L3MBTL1: variants seen among roughly 807,000 people sequenced by gnomAD.
L3MBTL1 encodes L3MBTL histone methyl-lysine binding protein 1.
Under a neutral mutation model 105.3 loss-of-function variants are expected in L3MBTL1, and 75 were observed. The ratio of observed to expected loss-of-function variants is 0.71; its 90% CI spans 0.59 to 0.86. L3MBTL1 has a LOEUF of 0.86. Among genes scored for constraint, L3MBTL1 ranks in the 40% least tolerant of loss-of-function variants. The probability of loss-of-function intolerance (pLI) is 0.00; values close to 1 mark genes in which losing one functional copy is unlikely to be tolerated. For synonymous variants in L3MBTL1, 452 were observed against 436.2 expected (o/e 1.04, Z -0.45); for missense variants, 1,069 against 1,126.4 (o/e 0.95, Z 0.73).
At chr20:43,543,535 A>C (rs184873720), downstream of L3MBTL1, among the ~76,000 whole-genome samples, 1 of 152,322 alleles carries the variant, frequency 6.6e-6, no homozygotes, top group East Asian at 1.9e-4. Context: ...AGGGAGGTGT[A>C]CTGGTAGACT....
At chr20:43,544,713 C>G (rs1420770569), downstream of L3MBTL1, among the ~76,000 whole-genome samples, 3 of 152,058 alleles carry the variant, frequency 2.0e-5, no homozygotes, top group East Asian at 5.8e-4. Context: ...TCCTGTAATC[C>G]CAGCAATTTG....
chr20:43,510,581 A>AT (rs535037544), intron 1 of L3MBTL1, among the ~76,000 whole-genome samples: 4 of 138,888 alleles, frequency 2.9e-5, no homozygotes, highest in Non-Finnish European at 4.7e-5. Context: ...TTTTTTTTTT[A>AT]TTTTTTTGTG....
Position 43,541,297 on chromosome 20 carries a change from G to T in L3MBTL1, c.*169G>T. ...AATGTCAGCTTTGGAGACAGTCTGG[G>T]TTTAAATCCCAGTTCTGTCAATTTG... On this transcript the variant is annotated 3_prime_UTR_variant, in exon 22 of 22. Coordinates refer to ENST00000418998, the MANE Select transcript of L3MBTL1 (RefSeq NM_001377303.1). The T allele has an allele frequency of 7.7e-7, 1 of 1,293,142 alleles. No homozygotes were observed. The highest frequency in any genetic ancestry group is 2.9e-5 in the Admixed American group (1 of 34,920). The allele number at this position is 1,293,142 out of a possible 1,614,324, so 80.1% of individuals were successfully genotyped here.
At position 43,514,730 on chromosome 20, in the gene L3MBTL1, T is replaced by TGGCGGGGCCCCGGCGGGAGATGGCGA; in HGVS notation, c.463_488dup (p.Gln165ArgfsTer66). On this transcript the variant is annotated frameshift_variant, in exon 4 of 22. Transcript: ENST00000418998. LOFTEE classifies it high-confidence loss of function. ...AGGAAGGCGTGACCGAATACGAAGA[T>TGGCGGGGCCCCGGCGGGAGATGGCGA]GGCGGGGCCCCGGCGGGAGATGGCG... 1 of 1,574,820 alleles carries TGGCGGGGCCCCGGCGGGAGATGGCGA rather than the reference T, an allele frequency of 6.3e-7. No individual in the cohort carries two copies.
At position 43,534,401 on chromosome 20, in the gene L3MBTL1, C is replaced by G. The variant is rs150873776; in HGVS notation, c.1710+7C>G. Reference sequence around the variant, plus strand: ...GGAGGACCATCGGATAAAGGTGGCTCTGGGACCCTAGGGCTGGGAAGTGGA... The same window carrying G: ...GGAGGACCATCGGATAAAGGTGGCTGTGGGACCCTAGGGCTGGGAAGTGGA... On this transcript the variant is annotated splice_region_variant and intron_variant, in intron 15 of 21. Transcript: ENST00000418998. 6.2e-7 allele frequency: 1 copy of G among 1,612,792 alleles called. No homozygotes were observed. The highest frequency in any genetic ancestry group is 1.3e-5 in the African/African-American group (1 of 74,914).
intron 7 of L3MBTL1, among the ~76,000 whole-genome samples, 200 bp downstream of exon 7, chr20:43,516,377 A>G (rs555738930): frequency 1.3e-5 from 2 of 152,318 alleles, no homozygotes; most frequent in South Asian, 2.1e-4. Flanking sequence ...CTTGGGAGTT[A>G]TATGATGTGT....
chr20:43,532,569 G>A (rs748899907), intron 11 of L3MBTL1: 4 of 545,344 alleles, frequency 7.3e-6, no homozygotes, highest in Non-Finnish European at 1.3e-5. Flanking sequence ...AGTGCACCTT[G>A]GAGGCCAGAG....
chr20:43,527,243 TAGA>T (rs548448805), intron 7 of L3MBTL1, among the ~76,000 whole-genome samples: 5 of 152,172 alleles, frequency 3.3e-5, no homozygotes, highest in Non-Finnish European at 7.3e-5. Context: ...GATGACAAAA[TAGA>T]GGTGTAGAAG....
Position 43,541,878 on chromosome 20 carries a change from C to T in L3MBTL1, c.*750C>T, listed in dbSNP as rs1414170509. 2 of 985,292 alleles carry T rather than the reference C, an allele frequency of 2.0e-6. No homozygotes were observed. Among genetic ancestry groups the T allele is most frequent in the Admixed American group, 6.1e-5 (1 of 16,266 alleles). 61.0% of individuals were successfully genotyped at this position (985,292 alleles called of 1,614,324 possible). On this transcript the variant is annotated 3_prime_UTR_variant, in exon 22 of 22. Transcript: ENST00000418998. ...ACTGCTATGGTGGGAACACAATAAA[C>T]ACCAGTTTTGACTTTTAGTGCATAG... is the stretch of plus-strand genomic sequence containing the variant.
intron 8 of L3MBTL1, 89 bp downstream of exon 8, chr20:43,528,834 T>C (rs1448435371): frequency 1.5e-5 from 15 of 987,824 alleles, no homozygotes; most frequent in Non-Finnish European, 1.6e-5. Context: ...GTTTTCTGTG[T>C]CAGGCATGCC....
intron 18 of L3MBTL1, among the ~76,000 whole-genome samples, chr20:43,547,102 C>CTTTTTTTTTTTTTTTTTTTTTTTTTTTTT: frequency 8.2e-6 from 1 of 122,644 alleles, no homozygotes; most frequent in Non-Finnish European, 1.7e-5. Flanking sequence ...TTTTTAATGA[C>CTTTTTTTTTTTTTTTTTTTTTTTTTTTTT]TTTTTTTTTT....
At chr20:43,530,193 G>A in intron 9 of L3MBTL1, 91 bp from the exon 10 acceptor site, 2 of 1,541,386 alleles carry the variant, frequency 1.3e-6, no homozygotes, top group South Asian at 2.3e-5. Flanking sequence ...TAGAGCCCCT[G>A]AGACCACCAG....
At chr20:43,548,225 G>T (rs572813181) in exon 19 of L3MBTL1, 2 of 1,304,172 alleles carry the variant, frequency 1.5e-6, no homozygotes. Flanking sequence ...GTTCAAAAAC[G>T]CTGATGACAC....
chr20:43,536,559 G>A lies in L3MBTL1; in HGVS notation c.2173+101G>A, dbSNP rs1279973982. 2.9e-6 allele frequency: 4 copies of A among 1,367,124 alleles called. No homozygotes were observed. The East Asian group carries it at 9.2e-5, about 32-fold the overall frequency. The allele number at this position is 1,367,124 out of a possible 1,614,324, so 84.7% of individuals were successfully genotyped here. A position where few individuals can be genotyped will look rare whatever the true frequency, so the allele number is the denominator to read the frequency against. On this transcript the variant is annotated intron_variant, in intron 19 of 21. Transcript: ENST00000418998. ...AGACAGATTTCCCAGAGTGGGAGAAGCTAGAAGGAGGGCTGTGCCTCTTCG... is the reference window on the plus strand; with the variant it reads ...AGACAGATTTCCCAGAGTGGGAGAAACTAGAAGGAGGGCTGTGCCTCTTCG...
intron 10 of L3MBTL1, 75 bp downstream of exon 10, chr20:43,530,494 G>C: frequency 6.7e-7 from 1 of 1,503,298 alleles, no homozygotes; most frequent in Non-Finnish European, 9.0e-7. Context: ...TGGGTCCCCG[G>C]CTTCCAGCTC....
chr20:43,546,171 G>A (rs982715250), downstream of L3MBTL1, among the ~76,000 whole-genome samples: 3 of 152,226 alleles, frequency 2.0e-5, no homozygotes, highest in Admixed American at 6.5e-5. Context: ...CTTCCTGGCA[G>A]GGGTGGTAGA....
intron 18 of L3MBTL1, among the ~76,000 whole-genome samples, chr20:43,547,623 C>G (rs780157123): frequency 9.5e-4 from 144 of 152,246 alleles, no homozygotes; most frequent in Non-Finnish European, 1.8e-3. Context: ...CTGCTTTTGG[C>G]AAGACTAGTT....
At chr20:43,514,383 T>A in intron 3 of L3MBTL1, 4 of 1,404,176 alleles carry the variant, frequency 2.8e-6, no homozygotes, top group Non-Finnish European at 3.7e-6. Context: ...ACCGTGGGAC[T>A]GGGCCTGTGG....
chr20:43,515,639 T>A, intron 6 of L3MBTL1: 1 of 574,390 alleles, frequency 1.7e-6, no homozygotes, highest in Non-Finnish European at 3.0e-6. Context: ...CTCAGTTTAG[T>A]GTCAAGGTTA....
Sources: gnomAD v4.1 joint callset for allele counts (sites outside exome capture counted in the v4.1 genomes callset) on GRCh38, gnomAD v4.1.1 for gene constraint, MANE v1.5 for transcripts, NCBI Gene and HGNC (gene_info 2026-07-23, HGNC 2026-07-21) for gene names.